The following WDFY1 variants were observed in gnomAD, a reference collection of about 807,000 sequenced individuals.
WDFY1 encodes WD repeat and FYVE domain-containing protein 1.
In WDFY1, 32 loss-of-function variants were observed where a neutral mutation model predicts 56.4. The observed-to-expected ratio is 0.57, with a 90% CI of 0.43 to 0.76. The LOEUF (loss-of-function observed/expected upper bound fraction) is 0.76. WDFY1 is among the 30% of genes least tolerant of loss of function. The pLI is 0.00. For synonymous variants in WDFY1, 192 were observed against 197.3 expected (o/e 0.97, Z 0.23); for missense variants, 480 against 545.7 (o/e 0.88, Z 1.20).
In WDFY1 at chr2:223,945,113, G is replaced by C. The variant is rs763952455; in HGVS notation, c.137+35C>G. ...ACCGCCCCCACACCCCGTCGTCGCG[G>C]AGTTCGGGCCGCCCCGGCTGCGCCC... On this transcript the variant is annotated intron_variant, in intron 1 of 11. Coordinates refer to ENST00000233055, the MANE Select transcript of WDFY1 (RefSeq NM_020830.5). 5.8e-6 allele frequency: 9 copies of C among 1,557,130 alleles called. No homozygotes were observed. The South Asian group carries it at 1.0e-4, about 18-fold the overall frequency.
At chr2:223,928,526 A>G (rs1694021841) in intron 1 of WDFY1, among the ~76,000 whole-genome samples, 1 of 152,124 alleles carries the variant, frequency 6.6e-6, no homozygotes, top group South Asian at 2.1e-4. Context: ...GTGAGCCACA[A>G]TTAAACATTT....
intron 1 of WDFY1, among the ~76,000 whole-genome samples, chr2:223,939,448 GTAT>G (rs1251209919): frequency 2.6e-5 from 4 of 152,174 alleles, no homozygotes; most frequent in Non-Finnish European, 5.9e-5. Context: ...GTTACATACA[GTAT>G]TAGTCCGTTT....
chr2:223,930,523 G>C (rs1199891492), intron 1 of WDFY1, among the ~76,000 whole-genome samples: 1 of 152,212 alleles, frequency 6.6e-6, no homozygotes, highest in Non-Finnish European at 1.5e-5. Flanking sequence ...TAGAGACGGG[G>C]TTTCACCATG....
chr2:223,942,117 A>G (rs12623084), intron 1 of WDFY1, among the ~76,000 whole-genome samples: 51,172 of 152,142 alleles, frequency 0.34, 9,723 homozygotes, highest in Non-Finnish European at 0.43. Flanking sequence ...TCACTTTCCA[A>G]AAACATTTAT....
chr2:223,902,589 C>T (rs1193876007), intron 4 of WDFY1, among the ~76,000 whole-genome samples: 3 of 152,024 alleles, frequency 2.0e-5, no homozygotes, highest in Non-Finnish European at 4.4e-5. Flanking sequence ...AAATTTAAAA[C>T]TGAAAATAAT....
chr2:223,914,889 T>C (rs1427324150), intron 2 of WDFY1, among the ~76,000 whole-genome samples: 1 of 152,188 alleles, frequency 6.6e-6, no homozygotes, highest in Non-Finnish European at 1.5e-5. Context: ...TGTGAGGTAA[T>C]GTTATAGAAC....
At chr2:223,922,086 G>A (rs1193155085) in intron 1 of WDFY1, among the ~76,000 whole-genome samples, 2 of 152,224 alleles carry the variant, frequency 1.3e-5, no homozygotes, top group East Asian at 1.9e-4. Context: ...CCCCATCCCA[G>A]AGCCTGCATC....
intron 1 of WDFY1, among the ~76,000 whole-genome samples, chr2:223,943,636 A>AC (rs1422215751): frequency 6.6e-6 from 1 of 152,234 alleles, no homozygotes; most frequent in East Asian, 1.9e-4. Context: ...TCAAGGAAAC[A>AC]CAGTTTCATT....
rs889904601 is a variant in WDFY1 at position 223,881,882 on chromosome 2, C to T, written c.1064+60G>A. On this transcript the variant is annotated intron_variant, in intron 10 of 11. Coordinates refer to ENST00000233055, the MANE Select transcript of WDFY1 (RefSeq NM_020830.5). ...ATCACTTCTGAAGCTCTTCACATTT[C>T]AGAGAACCATTAGACAGATGTAATA... The T allele has an allele frequency of 2.5e-6, 4 of 1,587,836 alleles. No individual in the cohort carries two copies. The East Asian group carries it at 9.1e-5, about 36-fold the overall frequency.
intron 1 of WDFY1, among the ~76,000 whole-genome samples, chr2:223,920,209 TTA>T (rs1693865683): frequency 6.6e-6 from 1 of 152,176 alleles, no homozygotes; most frequent in African/African-American, 2.4e-5. Context: ...CAGAAGATCT[TTA>T]AGAAGCATCA....
intron 1 of WDFY1, among the ~76,000 whole-genome samples, chr2:223,930,777 A>G (rs1191980685): frequency 6.6e-6 from 1 of 152,198 alleles, no homozygotes. Flanking sequence ...CTACCAGAGG[A>G]CAAATGACGA....
chr2:223,899,140 A>G (rs2106081168), intron 5 of WDFY1, 70 bp from the exon 6 acceptor site: 1 of 1,274,014 alleles, frequency 7.8e-7, no homozygotes. Flanking sequence ...AGATACCAGC[A>G]TTAGTCAAAG....
chr2:223,906,679 C>A (rs1230574615), intron 3 of WDFY1, among the ~76,000 whole-genome samples: 12 of 151,784 alleles, frequency 7.9e-5, no homozygotes, highest in African/African-American at 2.9e-4. Flanking sequence ...ACCACCACAC[C>A]CAGCTAAATT....
intron 1 of WDFY1, among the ~76,000 whole-genome samples, chr2:223,918,233 C>T (rs1292197741): frequency 6.6e-6 from 1 of 151,840 alleles, no homozygotes; most frequent in Non-Finnish European, 1.5e-5. Context: ...TGTATATGCA[C>T]ACCATATACA....
Position 223,877,668 on chromosome 2 carries a change from A to C in WDFY1, c.*1003T>G, listed in dbSNP as rs148900561. On this transcript the variant is annotated 3_prime_UTR_variant, in exon 12 of 12. Coordinates refer to ENST00000233055, the MANE Select transcript of WDFY1 (RefSeq NM_020830.5). ...ACTTCTTTTTATGAAAACATGAATAATACTAGTTATAACTCAAAGTCAAAA... is the reference window on the plus strand; with the variant it reads ...ACTTCTTTTTATGAAAACATGAATACTACTAGTTATAACTCAAAGTCAAAA... The C allele has an allele frequency of 1.4e-4, 22 of 152,542 alleles. No individual in the cohort carries two copies. The highest frequency in any genetic ancestry group is 5.3e-4 in the African/African-American group (22 of 41,602). 9.4% of individuals were successfully genotyped at this position (152,542 alleles called of 1,614,324 possible).
At chr2:223,918,160 C>T in intron 1 of WDFY1, 150 bp from the exon 2 acceptor site, 2 of 655,032 alleles carry the variant, frequency 3.1e-6, no homozygotes, top group Non-Finnish European at 5.2e-6. Flanking sequence ...TATATACATA[C>T]ATGTACACAT....
intron 7 of WDFY1, among the ~76,000 whole-genome samples, chr2:223,895,290 TTTTG>T (rs141841329): frequency 0.035 from 5,368 of 152,182 alleles, 297 homozygotes; most frequent in African/African-American, 0.12. Flanking sequence ...GCATTTGTTT[TTTTG>T]TTTGTTTGTT....
At chr2:223,899,742 C>T (rs541751113) in intron 5 of WDFY1, among the ~76,000 whole-genome samples, 75 of 151,554 alleles carry the variant, frequency 4.9e-4, no homozygotes, top group African/African-American at 1.7e-3. Flanking sequence ...GTGCAAGACT[C>T]TTTCTCAAAA....
intron 1 of WDFY1, among the ~76,000 whole-genome samples, chr2:223,933,797 AC>A (rs1694121370): frequency 2.6e-5 from 1 of 38,974 alleles, no homozygotes; most frequent in African/African-American, 5.7e-5. Context: ...CCCCATCTCT[AC>A]AAAAAAAAAT....
Sources: allele counts gnomAD v4.1 joint callset (sites outside exome capture counted in the v4.1 genomes callset), GRCh38; gene constraint gnomAD v4.1.1; transcripts MANE v1.5; gene names NCBI Gene and HGNC (gene_info 2026-07-23, HGNC 2026-07-21).